GSE1: variants seen among roughly 807,000 people sequenced by gnomAD.
GSE1 encodes Gse1 coiled-coil protein.
Under a neutral mutation model 112.6 loss-of-function variants are expected in GSE1, and 32 were observed. The ratio of observed to expected loss-of-function variants is 0.28; its 90% CI spans 0.21 to 0.38. The LOEUF is 0.38. Ranked by LOEUF, GSE1 falls within the 10% of genes least tolerant of loss-of-function variation. The pLI is 1.00. For synonymous variants in GSE1, 1,115 were observed against 735.6 expected (o/e 1.52, Z -8.35); for missense variants, 2,348 against 1,699.2 (o/e 1.38, Z -6.71).
rs1165086644 is a variant in GSE1 at position 85,636,927 on chromosome 16, C to CCCCCAGCTCCCTGGTGCTACCT, written c.226+2801_226+2822dup. ...GACCCCCCAGCTCCCCTGTGCTACC[C>CCCCCAGCTCCCTGGTGCTACCT]CCCCAGCTCCCTGGTGCTACCTCCC... On this transcript the variant is annotated intron_variant, in intron 2 of 15. Coordinates refer to ENST00000253458, the MANE Select transcript of GSE1 (RefSeq NM_014615.5). Among the ~76,000 whole-genome samples the CCCCCAGCTCCCTGGTGCTACCT allele has an allele frequency of 1.6e-4, 25 of 151,926 alleles. No homozygotes were observed. The East Asian group carries it at 2.9e-3, about 18-fold the overall frequency.
intron 1 of GSE1, among the ~76,000 whole-genome samples, chr16:85,247,460 G>C (rs754522314): frequency 6.6e-6 from 1 of 152,204 alleles, no homozygotes; most frequent in African/African-American, 2.4e-5. Context: ...TGCATGCAGG[G>C]ACCGGGCCTG....
chr16:85,334,599 C>T (rs776832993), intron 1 of GSE1, among the ~76,000 whole-genome samples: 6 of 152,178 alleles, frequency 3.9e-5, no homozygotes, highest in Admixed American at 1.3e-4. Context: ...CTTTTGGGGA[C>T]GCTTGGCGTG....
At chr16:85,346,696 TTGAC>T (rs1268194558) in intron 1 of GSE1, among the ~76,000 whole-genome samples, 7 of 146,468 alleles carry the variant, frequency 4.8e-5, no homozygotes, top group Non-Finnish European at 6.0e-5. Flanking sequence ...GGATGAGTGA[TTGAC>T]AGGTAGATGG....
intron 2 of GSE1, among the ~76,000 whole-genome samples, chr16:85,511,240 C>G (rs764072392): frequency 6.6e-5 from 10 of 152,182 alleles, no homozygotes; most frequent in Non-Finnish European, 1.3e-4. Flanking sequence ...TGCCTCCCCC[C>G]TCCAGGCTGG....
At chr16:85,524,007 C>G (rs554688178) in intron 2 of GSE1, among the ~76,000 whole-genome samples, 6 of 152,188 alleles carry the variant, frequency 3.9e-5, no homozygotes, top group Non-Finnish European at 7.3e-5. Flanking sequence ...GTTTCCGAGA[C>G]CCCTGTGTGC....
intron 2 of GSE1, among the ~76,000 whole-genome samples, chr16:85,641,881 C>T (rs376042070): frequency 7.2e-5 from 11 of 152,370 alleles, no homozygotes; most frequent in Middle Eastern, 3.4e-3. Context: ...CTCCTCTGGC[C>T]GGGCTCCTTT....
At position 85,331,385 on chromosome 16, in the gene GSE1, A is replaced by ATATATATGCGTATATATG. The variant is rs1555563715; in HGVS notation, c.2284-26070_2284-26069insCGTATATATGTATATATG. Among the ~76,000 whole-genome samples the ATATATATGCGTATATATG allele has an allele frequency of 7.4e-5, 10 of 135,870 alleles. 1 individual carries two copies. Among genetic ancestry groups the ATATATATGCGTATATATG allele is most frequent in the African/African-American group, 2.7e-4 (10 of 37,538 alleles). 89.1% of individuals were successfully genotyped at this position (135,870 alleles called of 152,430 possible). On this transcript the variant is annotated intron_variant, in intron 1 of 2. Transcript: ENST00000637419. ...TGTGTGTATATATGTATATATATGTATATATATGTGTATATATGTATATAT... is the reference window on the plus strand; with the variant it reads ...TGTGTGTATATATGTATATATATGTATATATATGCGTATATATGTATATATGTGTATATATGTATATAT...
At chr16:85,446,672 C>T (rs1221947184) in intron 2 of GSE1, among the ~76,000 whole-genome samples, 1 of 152,204 alleles carries the variant, frequency 6.6e-6, no homozygotes, top group East Asian at 1.9e-4. Flanking sequence ...GCCTGCATGG[C>T]AGGGAGACCT....
At chr16:85,474,246 G>C (rs918274670) in intron 2 of GSE1, among the ~76,000 whole-genome samples, 4 of 152,058 alleles carry the variant, frequency 2.6e-5, no homozygotes, top group African/African-American at 9.7e-5. Flanking sequence ...TGCAGGGAGA[G>C]CCGGCATCTC....
intron 1 of GSE1, among the ~76,000 whole-genome samples, chr16:85,244,082 C>T (rs796885422): frequency 6.6e-6 from 1 of 152,126 alleles, no homozygotes; most frequent in Admixed American, 6.5e-5. Flanking sequence ...GCGGAGATTG[C>T]ACCATTGCAC....
chr16:85,187,613 G>C (rs1032398369), intron 1 of GSE1, among the ~76,000 whole-genome samples: 1 of 152,024 alleles, frequency 6.6e-6, no homozygotes, highest in African/African-American at 2.4e-5. Context: ...GTCTGCTCTT[G>C]ACCGGGAGAT....
At chr16:85,355,718 T>A (rs1006791093) in intron 1 of GSE1, among the ~76,000 whole-genome samples, 1 of 152,130 alleles carries the variant, frequency 6.6e-6, no homozygotes, top group Admixed American at 6.5e-5. Context: ...TTTATGACAA[T>A]TTTAAAGATT....
intron 1 of GSE1, among the ~76,000 whole-genome samples, chr16:85,190,271 T>C (rs75180539): frequency 0.069 from 10,551 of 152,292 alleles, 493 homozygotes; most frequent in Middle Eastern, 0.11. Flanking sequence ...GATACTAAAC[T>C]GAAATATTTT....
intron 2 of GSE1, among the ~76,000 whole-genome samples, chr16:85,428,886 CTG>C (rs759496682): frequency 3.0e-4 from 46 of 152,304 alleles, no homozygotes; most frequent in Admixed American, 7.8e-4. Context: ...GACCAGTAAA[CTG>C]TCTTTGTCAC....
chr16:85,300,490 CT>C (rs2045491012), intron 1 of GSE1, among the ~76,000 whole-genome samples: 1 of 152,246 alleles, frequency 6.6e-6, no homozygotes, highest in African/African-American at 2.4e-5. Flanking sequence ...CATCCGCTTC[CT>C]GTCTCTAAGG....
intron 13 of GSE1, among the ~76,000 whole-genome samples, chr16:85,667,423 G>C (rs938673526): frequency 6.6e-6 from 1 of 152,154 alleles, no homozygotes; most frequent in Admixed American, 6.5e-5. Flanking sequence ...ATGAGACAGG[G>C]CATGCCCTCT....
rs532685009 is a variant in GSE1 at position 85,344,919 on chromosome 16, G to A, written c.2284-12544G>A. Among the ~76,000 whole-genome samples, 17 of 152,378 alleles carry A rather than the reference G, an allele frequency of 1.1e-4. No individual in the cohort carries two copies. The East Asian group carries it at 3.3e-3, about 29-fold the overall frequency. ...AGGCAGATGCAGGTGACCCGTGGGT[G>A]CTGCTGTAGCCAGCTCTGCTCTGCC... On this transcript the variant is annotated intron_variant, in intron 1 of 2. Transcript: ENST00000637419.
intron 1 of GSE1, among the ~76,000 whole-genome samples, chr16:85,234,290 G>C (rs925591958): frequency 6.6e-6 from 1 of 152,082 alleles, no homozygotes; most frequent in African/African-American, 2.4e-5. Flanking sequence ...TTTGAAACCA[G>C]AGTCTCCTCT....
At chr16:85,511,382 G>T (rs537498848) in intron 2 of GSE1, among the ~76,000 whole-genome samples, 3 of 152,246 alleles carry the variant, frequency 2.0e-5, no homozygotes, top group East Asian at 1.9e-4. Context: ...CAAAAAATCA[G>T]CCGGGCATGG....
Sources: gnomAD v4.1 joint callset for allele counts (sites outside exome capture counted in the v4.1 genomes callset) on GRCh38, gnomAD v4.1.1 for gene constraint, MANE v1.5 for transcripts, NCBI Gene and HGNC (gene_info 2026-07-23, HGNC 2026-07-21) for gene names.